Variants in NSRP1 observed in about 807,000 individuals in gnomAD.
NSRP1 encodes the protein coiled-coil domain containing 55.
NSRP1 carries 24 observed loss-of-function variants against 54.7 expected under a neutral mutation model. That is an observed-to-expected ratio of 0.44 (90% CI 0.32 to 0.62). NSRP1 has a LOEUF of 0.62. Ranked by LOEUF, NSRP1 falls within the 20% of genes least tolerant of loss-of-function variation. The pLI, the probability that NSRP1 is intolerant of heterozygous loss-of-function variation, is 0.06. For missense variants in NSRP1, 596 were observed against 651.2 expected (o/e 0.92, Z 0.92); for synonymous variants, 210 against 213.8 (o/e 0.98, Z 0.15).
In NSRP1 at chr17:30,172,556, A is replaced by G; in HGVS notation, c.129A>G (p.Glu43=). Residue 43 remains glutamate (E), a synonymous_variant, in exon 3 of 7, where the codon GAA becomes GAG. Coordinates refer to ENST00000247026, the MANE Select transcript of NSRP1 (RefSeq NM_032141.4). Reference sequence around the variant, plus strand: ...CTGTTTTACAGACCTCTGTGAGTGAAAGCCTTCAGAGGGAAGCTGCTAAGA... The same window carrying G: ...CTGTTTTACAGACCTCTGTGAGTGAGAGCCTTCAGAGGGAAGCTGCTAAGA... ...SDDDDETSVS[E]SLQREAAKKQ... The G allele has an allele frequency of 6.2e-7, 1 of 1,609,954 alleles. No homozygotes were observed.
intron 2 of NSRP1, among the ~76,000 whole-genome samples, chr17:30,147,541 G>A (rs151070294): frequency 0.014 from 2,112 of 151,804 alleles, 47 homozygotes; most frequent in African/African-American, 0.046. Flanking sequence ...TCGGCTCACT[G>A]CAAGCCCCGC....
chr17:30,137,487 A>G (rs1356609180), intron 2 of NSRP1, among the ~76,000 whole-genome samples: 1 of 152,210 alleles, frequency 6.6e-6, no homozygotes, highest in Non-Finnish European at 1.5e-5. Flanking sequence ...TATGTTGCAT[A>G]TAGGTACTGT....
chr17:30,131,428 C>T (rs928395076), intron 2 of NSRP1, among the ~76,000 whole-genome samples: 15 of 152,016 alleles, frequency 9.9e-5, no homozygotes, highest in African/African-American at 3.4e-4. Flanking sequence ...GGTTCCAGAC[C>T]ACTGCAATAA....
In NSRP1 at chr17:30,147,191, C is replaced by T. The variant is rs145843335; in HGVS notation, c.115-25351C>T. 7.1e-3 allele frequency among the ~76,000 whole-genome samples: 1,056 copies of T among 148,210 alleles called. 10 individuals carry two copies. The highest frequency in any genetic ancestry group is 0.026 in the African/African-American group (1,023 of 40,068). ...TTGCCCAGGATGGAATGCAATGGTG[C>T]GATCTCGGCTCACTGCAGCCTCCAC... On this transcript the variant is annotated intron_variant, in intron 2 of 6. Coordinates refer to ENST00000247026, the MANE Select transcript of NSRP1 (RefSeq NM_032141.4).
chr17:30,142,553 A>G (rs906744687), intron 2 of NSRP1, among the ~76,000 whole-genome samples: 5 of 151,694 alleles, frequency 3.3e-5, no homozygotes, highest in African/African-American at 1.2e-4. Context: ...GCTGGTTTGG[A>G]ACTCCTGGCC....
chr17:30,138,476 A>G (rs559695093), intron 2 of NSRP1, among the ~76,000 whole-genome samples: 1 of 152,240 alleles, frequency 6.6e-6, no homozygotes, highest in Admixed American at 6.5e-5. Flanking sequence ...TATACTTTCA[A>G]TCATTTCTGG....
intron 2 of NSRP1, among the ~76,000 whole-genome samples, chr17:30,155,212 A>C (rs894923879): frequency 5.9e-5 from 9 of 152,092 alleles, no homozygotes; most frequent in African/African-American, 2.2e-4. Flanking sequence ...TTGTTCTTAA[A>C]TCCCAAGTTG....
intron 2 of NSRP1, among the ~76,000 whole-genome samples, chr17:30,151,749 T>A (rs2143004001): frequency 6.6e-6 from 1 of 151,936 alleles, no homozygotes; most frequent in East Asian, 1.9e-4. Context: ...CTGTATTTTT[T>A]TCCCATTCTG....
intron 2 of NSRP1, chr17:30,156,783 T>C (rs1348481954): frequency 6.6e-6 from 1 of 152,354 alleles, no homozygotes; most frequent in African/African-American, 2.4e-5. Context: ...CCTCCCAAAG[T>C]GCTGAGATTA....
chr17:30,157,526 C>G (rs944249462), intron 2 of NSRP1, among the ~76,000 whole-genome samples: 3 of 152,168 alleles, frequency 2.0e-5, no homozygotes, highest in African/African-American at 7.2e-5. Flanking sequence ...TCACCTTAGT[C>G]TGCTATCAAA....
intron 2 of NSRP1, among the ~76,000 whole-genome samples, chr17:30,171,934 T>TCACACACACACACACACA (rs746244255): frequency 5.3e-5 from 6 of 113,346 alleles, no homozygotes; most frequent in African/African-American, 1.7e-4. Flanking sequence ...TCCCCATTTC[T>TCACACACACACACACACA]CACACACACA....
Position 30,182,672 on chromosome 17 carries a change from T to C in NSRP1, c.617+1656T>C, listed in dbSNP as rs908994573. ...TAAAATGGCTGGGCACGGTGGCTCA[T>C]GCCTATAATCCCAGCACTTTGGGAG... is the stretch of plus-strand genomic sequence containing the variant. On this transcript the variant is annotated intron_variant, in intron 6 of 6. Coordinates refer to ENST00000247026, the MANE Select transcript of NSRP1 (RefSeq NM_032141.4). 5.5e-5 allele frequency among the ~76,000 whole-genome samples: 8 copies of C among 144,352 alleles called. No homozygotes were observed. The East Asian group carries it at 6.4e-4, about 11-fold the overall frequency. 94.7% of individuals were successfully genotyped at this position (144,352 alleles called of 152,430 possible).
rs1905451950 is a variant in NSRP1 at position 30,184,786 on chromosome 17, T to G, written c.789T>G (p.Thr263=). ...GTGCGGATGATGAAATAGAAGAAAC[T>G]AGAGTGAACTGCAGAAGGGAAAAGG... The part of the protein sequence containing the change: ...KSSADDEIEE[T]RVNCRREKVI... The change falls in exon 7 of 7, where the codon ACT becomes ACG. Residue 263 remains threonine (T), a synonymous_variant. Transcript: ENST00000247026. The G allele has an allele frequency of 6.2e-7, 1 of 1,613,682 alleles. No individual in the cohort carries two copies. The highest frequency in any genetic ancestry group is 1.3e-5 in the African/African-American group (1 of 74,814).
chr17:30,185,186 C>T lies in NSRP1; in HGVS notation c.1189C>T (p.Gln397Ter), dbSNP rs1905478328. Residue 397 changes from glutamine (Q) to a stop codon, truncating the protein, a stop_gained, in exon 7 of 7, where the codon CAA becomes TAA. Transcript: ENST00000247026. LOFTEE classifies it high-confidence loss of function. Reference sequence around the variant, plus strand: ...CCAAAGAGAACAAGAAAGAGATAGACAACAAAATGATCAGAACCGACCCAG... The same window carrying T: ...CCAAAGAGAACAAGAAAGAGATAGATAACAAAATGATCAGAACCGACCCAG... ...YSQREQERDR[Q>*]QNDQNRPSEK... 6.4e-7 allele frequency: 1 copy of T among 1,572,610 alleles called. No individual in the cohort carries two copies. The highest frequency in any genetic ancestry group is 8.6e-7 in the Non-Finnish European group (1 of 1,158,980).
At chr17:30,168,512 G>A (rs1299864827) in intron 2 of NSRP1, among the ~76,000 whole-genome samples, 2 of 150,594 alleles carry the variant, frequency 1.3e-5, no homozygotes, top group South Asian at 2.1e-4. Flanking sequence ...AAATTACATA[G>A]TATAATTATT....
intron 2 of NSRP1, among the ~76,000 whole-genome samples, chr17:30,152,009 T>A (rs563183312): frequency 8.5e-5 from 13 of 152,202 alleles, no homozygotes; most frequent in African/African-American, 3.1e-4. Flanking sequence ...CCTCAGGTGA[T>A]CTACCTGCCT....
chr17:30,178,024 C>G, intron 3 of NSRP1, 47 bp from the exon 4 acceptor site: 1 of 1,590,262 alleles, frequency 6.3e-7, no homozygotes, highest in Non-Finnish European at 8.6e-7. Context: ...TTTGTTGTAT[C>G]TATTGGCTGG....
intron 2 of NSRP1, among the ~76,000 whole-genome samples, chr17:30,146,157 G>GT (rs2071853396): frequency 1.3e-5 from 2 of 152,036 alleles, no homozygotes; most frequent in South Asian, 4.2e-4. Context: ...CCAAAATATC[G>GT]TTTTTTAAAT....
intron 6 of NSRP1, among the ~76,000 whole-genome samples, chr17:30,182,232 G>A (rs535093136): frequency 6.6e-6 from 1 of 152,070 alleles, no homozygotes; most frequent in African/African-American, 2.4e-5. Flanking sequence ...AAGGAAAGTG[G>A]TTTGTTTTCA....
Sources: allele counts gnomAD v4.1 joint callset (sites outside exome capture counted in the v4.1 genomes callset), GRCh38; gene constraint gnomAD v4.1.1; transcripts MANE v1.5; gene names NCBI Gene and HGNC (gene_info 2026-07-23, HGNC 2026-07-21).